PTPRM: variants seen among roughly 807,000 people sequenced by gnomAD.
PTPRM encodes the protein receptor-type tyrosine-protein phosphatase mu.
In PTPRM, 47 loss-of-function variants were observed where a neutral mutation model predicts 186.7. The ratio of observed to expected loss-of-function variants is 0.25; its 90% CI spans 0.20 to 0.32. The LOEUF (loss-of-function observed/expected upper bound fraction) is 0.32. PTPRM is among the 10% of genes least tolerant of loss of function. The pLI is 1.00. For synonymous variants in PTPRM, 668 were observed against 674.9 expected (o/e 0.99, Z 0.16); for missense variants, 1,494 against 1,865.0 (o/e 0.80, Z 3.66).
At chr18:7,929,426 G>A (rs900333856) in intron 5 of PTPRM, among the ~76,000 whole-genome samples, 1 of 152,022 alleles carries the variant, frequency 6.6e-6, no homozygotes, top group Non-Finnish European at 1.5e-5. Flanking sequence ...TTATTGCCCT[G>A]CAGCTTTCTA....
At chr18:7,922,803 A>G (rs1232034708) in intron 4 of PTPRM, among the ~76,000 whole-genome samples, 2 of 152,244 alleles carry the variant, frequency 1.3e-5, no homozygotes, top group African/African-American at 4.8e-5. Context: ...ACTTATAAAA[A>G]AAAGGTTTTA....
intron 14 of PTPRM, among the ~76,000 whole-genome samples, chr18:8,191,359 G>A (rs2093707301): frequency 6.6e-6 from 1 of 152,170 alleles, no homozygotes; most frequent in South Asian, 2.1e-4. Flanking sequence ...TACAGAGGAG[G>A]TGGGAAAGGA....
intron 14 of PTPRM, among the ~76,000 whole-genome samples, chr18:8,200,789 G>A (rs1179672419): frequency 6.6e-6 from 1 of 152,164 alleles, no homozygotes; most frequent in African/African-American, 2.4e-5. Flanking sequence ...TTTCACATTT[G>A]TGTGTTTCTG....
chr18:8,106,021 C>T (rs1184914234), intron 11 of PTPRM, among the ~76,000 whole-genome samples: 2 of 152,172 alleles, frequency 1.3e-5, no homozygotes, highest in African/African-American at 4.8e-5. Context: ...CTTTCCCGGC[C>T]CACCCTCAGG....
At chr18:8,187,312 G>A (rs1285714191) in intron 14 of PTPRM, among the ~76,000 whole-genome samples, 1 of 152,162 alleles carries the variant, frequency 6.6e-6, no homozygotes, top group Non-Finnish European at 1.5e-5. Context: ...ATTCTGTGCT[G>A]TGGAAGCAAC....
At chr18:8,242,207 C>A (rs1258461819) in intron 14 of PTPRM, among the ~76,000 whole-genome samples, 1 of 152,138 alleles carries the variant, frequency 6.6e-6, no homozygotes, top group African/African-American at 2.4e-5. Flanking sequence ...GAGGCAATTA[C>A]TGGCATAAAT....
chr18:8,165,180 A>AAAAG (rs943070660), intron 14 of PTPRM, among the ~76,000 whole-genome samples: 4 of 151,938 alleles, frequency 2.6e-5, no homozygotes, highest in East Asian at 1.9e-4. Context: ...AAAAAAAAAA[A>AAAAG]AAAGAAAGAA....
At chr18:7,927,029 C>T (rs1000582472) in intron 5 of PTPRM, among the ~76,000 whole-genome samples, 1 of 152,150 alleles carries the variant, frequency 6.6e-6, no homozygotes, top group South Asian at 2.1e-4. Flanking sequence ...CTCTCTCTCT[C>T]TCTTACACAC....
intron 32 of PTPRM, among the ~76,000 whole-genome samples, chr18:8,395,474 A>G (rs2095841148): frequency 6.6e-6 from 1 of 152,186 alleles, no homozygotes; most frequent in Admixed American, 6.5e-5. Flanking sequence ...AGAAGTCATA[A>G]TAGCAGTGCT....
At chr18:8,301,192 T>C (rs2095153474) in intron 20 of PTPRM, among the ~76,000 whole-genome samples, 1 of 152,238 alleles carries the variant, frequency 6.6e-6, no homozygotes, top group Non-Finnish European at 1.5e-5. Context: ...TCACATTCAT[T>C]GTTTTTGCAG....
chr18:7,698,851 A>G (rs1363646089), intron 1 of PTPRM, among the ~76,000 whole-genome samples: 1 of 152,122 alleles, frequency 6.6e-6, no homozygotes, highest in Non-Finnish European at 1.5e-5. Context: ...CTAGTGAAGC[A>G]CCTTTCTTAT....
chr18:7,782,013 C>T (rs572680954), intron 2 of PTPRM, among the ~76,000 whole-genome samples: 4 of 152,148 alleles, frequency 2.6e-5, no homozygotes, highest in Non-Finnish European at 5.9e-5. Flanking sequence ...TTACAGTCAG[C>T]TTTTATATGG....
intron 2 of PTPRM, among the ~76,000 whole-genome samples, chr18:7,818,517 T>C (rs1045691860): frequency 1.1e-4 from 16 of 152,214 alleles, no homozygotes; most frequent in African/African-American, 3.9e-4. Flanking sequence ...CATCTATGTA[T>C]CTACTCTAGA....
chr18:8,035,035 G>A (rs2086230708), intron 7 of PTPRM, among the ~76,000 whole-genome samples: 1 of 152,068 alleles, frequency 6.6e-6, no homozygotes, highest in South Asian at 2.1e-4. Flanking sequence ...CTTAGCAAAG[G>A]GCTGTCCAGC....
intron 32 of PTPRM, among the ~76,000 whole-genome samples, chr18:8,397,135 C>T (rs558242859): frequency 2.6e-4 from 40 of 152,360 alleles, no homozygotes; most frequent in African/African-American, 9.6e-4. Flanking sequence ...CCAGACAGCC[C>T]TGGGGGCACT....
At chr18:7,726,058 C>T (rs752563590) in intron 1 of PTPRM, among the ~76,000 whole-genome samples, 9 of 152,128 alleles carry the variant, frequency 5.9e-5, no homozygotes, top group South Asian at 2.1e-4. Flanking sequence ...CAAAAGCGCT[C>T]GCCCCAGCTC....
chr18:8,395,618 A>G (rs1213923867), intron 32 of PTPRM, among the ~76,000 whole-genome samples: 1 of 152,170 alleles, frequency 6.6e-6, no homozygotes, highest in African/African-American at 2.4e-5. Flanking sequence ...ATTTCCAAGA[A>G]GCATGGCTGT....
intron 19 of PTPRM, among the ~76,000 whole-genome samples, chr18:8,268,676 C>G (rs2094732116): frequency 6.6e-6 from 1 of 151,960 alleles, no homozygotes; most frequent in Non-Finnish European, 1.5e-5. Flanking sequence ...AAATTACCCA[C>G]AAAACACTAG....
At chr18:8,298,016 G>A (rs1482939333) in intron 20 of PTPRM, among the ~76,000 whole-genome samples, 3 of 152,174 alleles carry the variant, frequency 2.0e-5, no homozygotes, top group Non-Finnish European at 4.4e-5. Flanking sequence ...GGACGCAAAG[G>A]CCATGGAGAT....
Sources: gnomAD v4.1 joint callset for allele counts (sites outside exome capture counted in the v4.1 genomes callset) on GRCh38, gnomAD v4.1.1 for gene constraint, MANE v1.5 for transcripts, NCBI Gene and HGNC (gene_info 2026-07-23, HGNC 2026-07-21) for gene names.